IFT88: variants seen among roughly 807,000 people sequenced by gnomAD.
The protein encoded by IFT88 is intraflagellar transport 88.
In IFT88, 74 loss-of-function variants were observed where a neutral mutation model predicts 119.5. That is an observed-to-expected ratio of 0.62 (90% confidence interval 0.51 to 0.75). IFT88 has a LOEUF of 0.75. IFT88 is among the 30% of genes least tolerant of loss of function. The pLI, the probability that IFT88 is intolerant of heterozygous loss-of-function variation, is 0.00. For missense variants in IFT88, 961 were observed against 977.7 expected, an observed-to-expected ratio of 0.98 and a Z score of 0.23; for synonymous variants, 279 against 316.7, an observed-to-expected ratio of 0.88 and a Z score of 1.26.
chr13:20,610,382 C>T (rs945106593), intron 13 of IFT88, among the ~76,000 whole-genome samples: 1 of 151,988 alleles, frequency 6.6e-6, no homozygotes, highest in African/African-American at 2.4e-5. Flanking sequence ...AAGAATTTGC[C>T]GTGTGCCTTC....
chr13:20,603,963 G>C (rs377747077), intron 12 of IFT88, among the ~76,000 whole-genome samples: 28 of 152,318 alleles, frequency 1.8e-4, no homozygotes, highest in East Asian at 1.4e-3. Context: ...TGGAGGCTGA[G>C]GTGGGAGGAT....
At chr13:20,648,649 T>G (rs1306994376) in intron 20 of IFT88, among the ~76,000 whole-genome samples, 1 of 151,952 alleles carries the variant, frequency 6.6e-6, no homozygotes, top group East Asian at 1.9e-4. Flanking sequence ...AGAAAACAAA[T>G]AGCAGAAGCA....
chr13:20,593,110 C>T (rs1009213579), intron 7 of IFT88, among the ~76,000 whole-genome samples: 2 of 152,170 alleles, frequency 1.3e-5, no homozygotes, highest in African/African-American at 4.8e-5. Flanking sequence ...ATTAATGTGT[C>T]ATATTATTGA....
At chr13:20,607,800 C>T in intron 13 of IFT88, 1 of 741,908 alleles carries the variant, frequency 1.3e-6, no homozygotes. Context: ...GCTCTCTGAG[C>T]TATTCAGTTG....
intron 1 of IFT88, among the ~76,000 whole-genome samples, chr13:20,572,494 C>T (rs1593637227): frequency 6.6e-6 from 1 of 152,168 alleles, no homozygotes; most frequent in African/African-American, 2.4e-5. Flanking sequence ...CCTGAAATTA[C>T]AGGCATGAGC....
At chr13:20,644,579 T>C (rs2050459405) in intron 19 of IFT88, among the ~76,000 whole-genome samples, 1 of 152,036 alleles carries the variant, frequency 6.6e-6, no homozygotes, top group Non-Finnish European at 1.5e-5. Context: ...TTGCATCTCT[T>C]TTTTATTCTT....
At chr13:20,638,251 A>C (rs183093354) in intron 16 of IFT88, 81 bp from the exon 17 acceptor site, 2 of 737,876 alleles carry the variant, frequency 2.7e-6, no homozygotes, top group Non-Finnish European at 4.0e-6. Flanking sequence ...CAGAAAGTCT[A>C]TTTATTATGT....
intron 1 of IFT88, among the ~76,000 whole-genome samples, chr13:20,572,322 G>A (rs955114460): frequency 6.6e-6 from 1 of 151,794 alleles, no homozygotes; most frequent in Admixed American, 6.6e-5. Context: ...GGGTTCAAGC[G>A]ATTCTCGTGC....
intron 9 of IFT88, among the ~76,000 whole-genome samples, chr13:20,597,739 C>T (rs2041962860): frequency 1.4e-5 from 2 of 145,820 alleles, no homozygotes; most frequent in Non-Finnish European, 3.0e-5. Flanking sequence ...GAGCGAGACT[C>T]CGTCTCAAAA....
chr13:20,595,820 G>A (rs1054350361), intron 7 of IFT88, among the ~76,000 whole-genome samples: 3 of 151,938 alleles, frequency 2.0e-5, no homozygotes, highest in East Asian at 1.9e-4. Flanking sequence ...AGGGAGGATC[G>A]CTTGAGGCCT....
At chr13:20,589,176 T>C (rs1017992151) in intron 3 of IFT88, among the ~76,000 whole-genome samples, 1 of 152,230 alleles carries the variant, frequency 6.6e-6, no homozygotes, top group Non-Finnish European at 1.5e-5. Flanking sequence ...TGACCCCATG[T>C]ATATTTTTTA....
intron 14 of IFT88, 127 bp from the exon 15 acceptor site, chr13:20,625,623 G>T (rs897440208): frequency 3.6e-6 from 2 of 558,312 alleles, no homozygotes; most frequent in African/African-American, 4.0e-5. Flanking sequence ...GGAGCAAATC[G>T]AGTGCTTACC....
Position 20,582,943 on chromosome 13 carries a change from C to T in IFT88, c.91-14C>T, listed in dbSNP as rs369444272. The T allele has an allele frequency of 1.5e-4, 244 of 1,604,418 alleles. No homozygotes were observed. The highest frequency in any genetic ancestry group is 2.0e-4 in the Non-Finnish European group (231 of 1,172,818). On this transcript the variant is annotated splice_polypyrimidine_tract_variant and intron_variant, in intron 2 of 25. Transcript: ENST00000351808. ...TACTCTGTGTTGAATGTTAAATTTG[C>T]GTTTTCATTTTAGGAATTGGAGAAT...
At chr13:20,663,809 AG>A (rs1292030967) in intron 23 of IFT88, among the ~76,000 whole-genome samples, 1 of 152,260 alleles carries the variant, frequency 6.6e-6, no homozygotes, top group African/African-American at 2.4e-5. Context: ...GAAGTGCAAT[AG>A]ATTTCATATT....
intron 14 of IFT88, 53 bp from the exon 15 acceptor site, chr13:20,625,697 C>T (rs2047182591): frequency 8.2e-7 from 1 of 1,214,448 alleles, no homozygotes; most frequent in Admixed American, 2.1e-5. Context: ...AAACCAACAG[C>T]ATCAATATAC....
In IFT88 at chr13:20,574,489, G is replaced by T; in HGVS notation, c.90+14G>T. On this transcript the variant is annotated intron_variant, in intron 2 of 25. Coordinates refer to ENST00000351808, the MANE Select transcript of IFT88 (RefSeq NM_006531.5). Reference sequence around the variant, plus strand: ...TATGATATCGAGGTAACAAAAGCTAGTTGTTTTTTACATTGGTCTTGGTTA... The same window carrying T: ...TATGATATCGAGGTAACAAAAGCTATTTGTTTTTTACATTGGTCTTGGTTA... 1 of 1,483,814 alleles carries T rather than the reference G, an allele frequency of 6.7e-7. No individual in the cohort carries two copies. The highest frequency in any genetic ancestry group is 9.4e-7 in the Non-Finnish European group (1 of 1,067,974). The allele number at this position is 1,483,814 out of a possible 1,614,324, so 91.9% of individuals were successfully genotyped here. A position where few individuals can be genotyped will look rare whatever the true frequency, so the allele number is the denominator to read the frequency against.
intron 1 of IFT88, among the ~76,000 whole-genome samples, chr13:20,570,311 A>G (rs2036066042): frequency 6.6e-6 from 1 of 152,222 alleles, no homozygotes; most frequent in South Asian, 2.1e-4. Context: ...AAAACAGTCT[A>G]GCTGTTCCTC....
intron 14 of IFT88, among the ~76,000 whole-genome samples, chr13:20,620,388 T>A (rs1008420153): frequency 6.6e-6 from 1 of 152,206 alleles, no homozygotes; most frequent in African/African-American, 2.4e-5. Flanking sequence ...TCTACTCTTG[T>A]CGTCAAACCA....
chr13:20,574,852 A>G (rs2037067580), intron 2 of IFT88, among the ~76,000 whole-genome samples: 1 of 152,150 alleles, frequency 6.6e-6, no homozygotes, highest in African/African-American at 2.4e-5. Context: ...GTAGGTGCAT[A>G]TATTTATGGG....
Sources: gnomAD v4.1 joint callset for allele counts (sites outside exome capture counted in the v4.1 genomes callset) on GRCh38, gnomAD v4.1.1 for gene constraint, MANE v1.5 for transcripts, NCBI Gene and HGNC (gene_info 2026-07-23, HGNC 2026-07-21) for gene names.